NRG3: variants seen among roughly 807,000 people sequenced by gnomAD.
The protein encoded by NRG3 is neuregulin 3.
NRG3 carries 31 observed loss-of-function variants against 66.9 expected under a neutral mutation model. The ratio of observed to expected loss-of-function variants is 0.46; its 90% CI spans 0.35 to 0.63. The LOEUF is 0.63. Ranked by LOEUF, NRG3 falls within the 20% of genes least tolerant of loss-of-function variation. The pLI is 0.00. For missense variants in NRG3, 910 were observed against 878.9 expected (o/e 1.04, Z -0.45); for synonymous variants, 393 against 359.4 (o/e 1.09, Z -1.06).
At chr10:82,459,642 T>C (rs934250190) in intron 2 of NRG3, among the ~76,000 whole-genome samples, 1 of 152,202 alleles carries the variant, frequency 6.6e-6, no homozygotes, top group East Asian at 1.9e-4. Context: ...CCTTTAAATG[T>C]AGTCTGTGCT....
At chr10:82,782,491 G>C (rs998642503) in intron 3 of NRG3, among the ~76,000 whole-genome samples, 1 of 151,912 alleles carries the variant, frequency 6.6e-6, no homozygotes, top group African/African-American at 2.4e-5. Context: ...CTAGTCTCAG[G>C]TATTCTGTTA....
intron 1 of NRG3, among the ~76,000 whole-genome samples, chr10:82,254,996 A>G (rs1296781349): frequency 6.6e-6 from 1 of 152,210 alleles, no homozygotes; most frequent in Non-Finnish European, 1.5e-5. Context: ...ACACAGGGAA[A>G]GAAGGAACAA....
intron 1 of NRG3, among the ~76,000 whole-genome samples, chr10:82,029,789 A>G (rs1356126601): frequency 6.6e-6 from 1 of 152,088 alleles, no homozygotes; most frequent in East Asian, 1.9e-4. Context: ...AACTCACCAG[A>G]ATGATTAATT....
intron 1 of NRG3, among the ~76,000 whole-genome samples, chr10:82,002,862 A>T (rs539727731): frequency 6.6e-6 from 1 of 150,878 alleles, no homozygotes; most frequent in South Asian, 2.1e-4. Flanking sequence ...TCATTCTTTT[A>T]AAAAAAATTG....
intron 1 of NRG3, among the ~76,000 whole-genome samples, chr10:82,082,791 G>T (rs2065467663): frequency 1.3e-5 from 2 of 151,902 alleles, no homozygotes; most frequent in African/African-American, 4.8e-5. Flanking sequence ...GGAGGCCCTG[G>T]GTCTCCAATT....
Position 82,114,630 on chromosome 10 carries a change from G to A in NRG3, c.823+238467G>A, listed in dbSNP as rs566461182. Among the ~76,000 whole-genome samples, 9 of 152,154 alleles carry A rather than the reference G, an allele frequency of 5.9e-5. No homozygotes were observed. In the South Asian group the frequency reaches 1.9e-3, roughly 32 times the overall value. On this transcript the variant is annotated intron_variant, in intron 1 of 8. Transcript: ENST00000372141. ...CCTTCTCAAGCTATTGCCATTGTTCGGGAAATTGGGTAATTCATCTTTAGG... is the reference window on the plus strand; with the variant it reads ...CCTTCTCAAGCTATTGCCATTGTTCAGGAAATTGGGTAATTCATCTTTAGG...
In NRG3 at chr10:82,932,110, C is replaced by G. The variant is rs7068433; in HGVS notation, c.1055-19359C>G. 8.3e-3 allele frequency among the ~76,000 whole-genome samples: 1,265 copies of G among 152,256 alleles called. 21 individuals carry two copies. Among genetic ancestry groups the G allele is most frequent in the African/African-American group, 0.029 (1,222 of 41,548 alleles). On this transcript the variant is annotated intron_variant, in intron 4 of 8. Coordinates refer to ENST00000372141, the MANE Select transcript of NRG3 (RefSeq NM_001010848.4). ...ATCTTCTGCAGCAGCACTCCAAGTT[C>G]CATCTCCTTCTCTCCATTCCTTCAC...
At chr10:82,778,053 G>A (rs761012479) in intron 3 of NRG3, among the ~76,000 whole-genome samples, 2 of 152,192 alleles carry the variant, frequency 1.3e-5, no homozygotes, top group Non-Finnish European at 2.9e-5. Context: ...AAGGGTGCCT[G>A]TTAACTCCTG....
In NRG3 at chr10:82,313,088, C is replaced by T. The variant is rs141494363; in HGVS notation, c.824-45651C>T. 9.9e-3 allele frequency among the ~76,000 whole-genome samples: 1,500 copies of T among 152,020 alleles called. 21 individuals are homozygous for T. The highest frequency in any genetic ancestry group is 0.034 in the African/African-American group (1,422 of 41,444). On this transcript the variant is annotated intron_variant, in intron 1 of 8. Coordinates refer to ENST00000372141, the MANE Select transcript of NRG3 (RefSeq NM_001010848.4). ...AGTTACTTGGGAGGCTGAGGTGGGA[C>T]GATTCCTTGAGCTATAGAGGCAGAG...
At chr10:82,263,706 A>G (rs1232904941) in intron 1 of NRG3, among the ~76,000 whole-genome samples, 1 of 152,052 alleles carries the variant, frequency 6.6e-6, no homozygotes. Flanking sequence ...CATAGTCGAG[A>G]TGTATAATTT....
intron 1 of NRG3, among the ~76,000 whole-genome samples, chr10:82,234,180 C>A (rs950345161): frequency 2.0e-5 from 3 of 152,152 alleles, no homozygotes; most frequent in African/African-American, 7.2e-5. Flanking sequence ...TCTGGTTTTT[C>A]CAACATAATT....
chr10:81,978,197 C>T (rs2133433126), intron 1 of NRG3, among the ~76,000 whole-genome samples: 1 of 152,264 alleles, frequency 6.6e-6, no homozygotes, highest in South Asian at 2.1e-4. Context: ...CCCCTCCCAG[C>T]CTCTAGTATC....
chr10:82,110,851 T>C (rs1205930585), intron 1 of NRG3, among the ~76,000 whole-genome samples: 3 of 152,090 alleles, frequency 2.0e-5, no homozygotes, highest in African/African-American at 7.2e-5. Flanking sequence ...GAGGTAAATA[T>C]TGAAGTCATC....
intron 1 of NRG3, among the ~76,000 whole-genome samples, chr10:82,007,765 C>T (rs949705510): frequency 6.6e-6 from 1 of 151,990 alleles, no homozygotes. Context: ...ACCAGGATAG[C>T]AACCTCATGG....
chr10:82,267,665 C>T lies in NRG3; in HGVS notation c.824-91074C>T, dbSNP rs138796961. Among the ~76,000 whole-genome samples the T allele has an allele frequency of 2.1e-4, 32 of 152,302 alleles. No individual in the cohort carries two copies. The East Asian group carries it at 4.6e-3, about 22-fold the overall frequency. On this transcript the variant is annotated intron_variant, in intron 1 of 8. Transcript: ENST00000372141. ...CAGAAATAAACCACAATTTGCTCGG[C>T]ATTTCAATCTTTACCACTGATGTGT... is the stretch of plus-strand genomic sequence containing the variant.
intron 4 of NRG3, among the ~76,000 whole-genome samples, chr10:82,899,240 A>C (rs748532950): frequency 5.3e-5 from 8 of 152,056 alleles, no homozygotes; most frequent in Admixed American, 2.0e-4. Context: ...GAATGCTCAC[A>C]CTGTATGATT....
chr10:82,921,592 C>A (rs1285611349), intron 4 of NRG3, among the ~76,000 whole-genome samples: 2 of 152,058 alleles, frequency 1.3e-5, no homozygotes, highest in Non-Finnish European at 2.9e-5. Flanking sequence ...TAAAACTATT[C>A]TAAAATAAAA....
intron 3 of NRG3, among the ~76,000 whole-genome samples, chr10:82,748,112 TA>T (rs1355343348): frequency 6.6e-6 from 1 of 151,442 alleles, no homozygotes; most frequent in Non-Finnish European, 1.5e-5. Context: ...ACTCTGCAGA[TA>T]GGGGTAACAC....
intron 2 of NRG3, among the ~76,000 whole-genome samples, chr10:82,392,019 A>C (rs1370446176): frequency 7.3e-5 from 11 of 151,080 alleles, no homozygotes; most frequent in Non-Finnish European, 1.3e-4. Flanking sequence ...AACAAAAAAA[A>C]AACCCACGAA....
Sources: allele counts gnomAD v4.1 joint callset (sites outside exome capture counted in the v4.1 genomes callset), GRCh38; gene constraint gnomAD v4.1.1; transcripts MANE v1.5; gene names NCBI Gene and HGNC (gene_info 2026-07-23, HGNC 2026-07-21).